EXOC4: variants seen among roughly 807,000 people sequenced by gnomAD.
EXOC4 encodes exocyst complex component 4, also known as SEC8-like 1.
EXOC4 carries 71 observed loss-of-function variants against 107.2 expected under a neutral mutation model. The observed-to-expected ratio is 0.66, with a 90% CI of 0.55 to 0.81. The LOEUF is 0.81. Ranked by LOEUF, EXOC4 falls within the 30% of genes least tolerant of loss-of-function variation. The pLI, the probability that EXOC4 is intolerant of heterozygous loss-of-function variation, is 0.00. For synonymous variants in EXOC4, 456 were observed against 441.2 expected, an observed-to-expected ratio of 1.03 and a Z score of -0.42; for missense variants, 1,108 against 1,189.6, an observed-to-expected ratio of 0.93 and a Z score of 1.01.
At chr7:134,066,458 G>GA (rs528783599), downstream of EXOC4, 4 of 152,336 alleles carry the variant, frequency 2.6e-5, no homozygotes, top group Admixed American at 2.6e-4. Context: ...TTAGGAAAGT[G>GA]AAATCTCTGC....
chr7:133,976,525 C>T (rs1420195724), intron 14 of EXOC4, among the ~76,000 whole-genome samples: 1 of 151,950 alleles, frequency 6.6e-6, no homozygotes. Flanking sequence ...ATTCTAGAAA[C>T]TACAGATTAA....
At chr7:133,947,624 C>G (rs1405620415) in intron 14 of EXOC4, among the ~76,000 whole-genome samples, 1 of 152,176 alleles carries the variant, frequency 6.6e-6, no homozygotes, top group African/African-American at 2.4e-5. Flanking sequence ...GTTCATTGTC[C>G]TGTGCTGATT....
intron 11 of EXOC4, among the ~76,000 whole-genome samples, chr7:133,869,543 A>G (rs1798709171): frequency 1.3e-5 from 2 of 152,212 alleles, no homozygotes; most frequent in South Asian, 2.1e-4. Context: ...TCTCCATAGC[A>G]TAGTGCATTC....
chr7:133,760,428 G>T (rs1796009688), intron 10 of EXOC4, among the ~76,000 whole-genome samples: 1 of 152,142 alleles, frequency 6.6e-6, no homozygotes, highest in South Asian at 2.1e-4. Flanking sequence ...TAGAGTAGGG[G>T]TGGGGCAGGA....
chr7:133,961,515 T>C (rs1310868366), intron 14 of EXOC4, among the ~76,000 whole-genome samples: 1 of 152,140 alleles, frequency 6.6e-6, no homozygotes, highest in Non-Finnish European at 1.5e-5. Context: ...CTTGAACTCC[T>C]GACCTCAGGT....
chr7:133,710,580 A>G (rs1322163944), intron 10 of EXOC4, among the ~76,000 whole-genome samples: 3 of 149,668 alleles, frequency 2.0e-5, no homozygotes, highest in African/African-American at 7.4e-5. Context: ...GAATGGCGTG[A>G]ACCCGGGAGG....
intron 11 of EXOC4, among the ~76,000 whole-genome samples, chr7:133,876,652 C>G (rs1798856347): frequency 6.6e-6 from 1 of 152,058 alleles, no homozygotes; most frequent in Admixed American, 6.6e-5. Flanking sequence ...ACTGTGAACT[C>G]TTACTTCTCC....
chr7:133,602,469 T>G (rs1032208648), intron 9 of EXOC4, among the ~76,000 whole-genome samples: 5 of 152,122 alleles, frequency 3.3e-5, no homozygotes, highest in Admixed American at 6.5e-5. Context: ...CCGTTGTGCT[T>G]TCTTGTCAGT....
At chr7:133,882,659 G>C (rs1237714850) in intron 11 of EXOC4, among the ~76,000 whole-genome samples, 1 of 152,190 alleles carries the variant, frequency 6.6e-6, no homozygotes, top group Non-Finnish European at 1.5e-5. Flanking sequence ...AGACCCGAAA[G>C]AGAAACAAAA....
At chr7:133,551,681 T>C (rs1302199969) in intron 9 of EXOC4, 1 of 152,280 alleles carries the variant, frequency 6.6e-6, no homozygotes, top group East Asian at 1.9e-4. Context: ...TGGATCTCCA[T>C]ATGGTGCTGC....
At chr7:133,286,132 T>C (rs967987790) in intron 2 of EXOC4, among the ~76,000 whole-genome samples, 1 of 152,206 alleles carries the variant, frequency 6.6e-6, no homozygotes, top group Admixed American at 6.5e-5. Context: ...TTTCCTTCCT[T>C]GGAACTCCTA....
chr7:133,602,434 A>T (rs139511822), intron 9 of EXOC4, among the ~76,000 whole-genome samples: 400 of 152,184 alleles, frequency 2.6e-3, no homozygotes, highest in African/African-American at 9.3e-3. Flanking sequence ...CCAGGTTGTT[A>T]TTGGCGATTG....
chr7:133,349,995 T>C (rs775997658), intron 5 of EXOC4, among the ~76,000 whole-genome samples: 1 of 152,122 alleles, frequency 6.6e-6, no homozygotes, highest in Non-Finnish European at 1.5e-5. Flanking sequence ...TTTGAAAAAA[T>C]GTCTATTCAA....
intron 10 of EXOC4, among the ~76,000 whole-genome samples, chr7:133,657,216 C>T (rs1803320541): frequency 6.6e-6 from 1 of 152,102 alleles, no homozygotes; most frequent in Non-Finnish European, 1.5e-5. Context: ...CTTTCCATTC[C>T]TAGTTAATAT....
At chr7:133,982,150 G>A (rs187703167) in intron 14 of EXOC4, among the ~76,000 whole-genome samples, 158 of 152,270 alleles carry the variant, frequency 1.0e-3, no homozygotes, top group Non-Finnish European at 7.1e-4. Context: ...TGGGTATTAG[G>A]CCTATGCCTG....
intron 12 of EXOC4, among the ~76,000 whole-genome samples, chr7:133,900,996 A>G (rs1479658966): frequency 6.6e-6 from 1 of 151,806 alleles, no homozygotes; most frequent in Non-Finnish European, 1.5e-5. Context: ...CAGCCTCCCA[A>G]ATGGCTGGGA....
intron 10 of EXOC4, among the ~76,000 whole-genome samples, chr7:133,633,728 A>G (rs1452830429): frequency 1.3e-5 from 2 of 152,184 alleles, no homozygotes; most frequent in East Asian, 1.9e-4. Context: ...CAAAAATAAA[A>G]TAAGTTCTAG....
intron 2 of EXOC4, 37 bp downstream of exon 2, chr7:133,275,208 C>G (rs1793961923): frequency 6.6e-7 from 1 of 1,510,764 alleles, no homozygotes; most frequent in Non-Finnish European, 9.0e-7. Context: ...GGCAGCACTT[C>G]CCATCACTAT....
At chr7:133,504,067 C>T (rs758471053) in intron 9 of EXOC4, among the ~76,000 whole-genome samples, 2 of 151,968 alleles carry the variant, frequency 1.3e-5, no homozygotes, top group Non-Finnish European at 2.9e-5. Flanking sequence ...ATACAGTTCC[C>T]GACTTGGAGA....
Sources: allele counts gnomAD v4.1 joint callset (sites outside exome capture counted in the v4.1 genomes callset), GRCh38; gene constraint gnomAD v4.1.1; transcripts MANE v1.5; gene names NCBI Gene and HGNC (gene_info 2026-07-23, HGNC 2026-07-21).